KDM4B: variants seen among roughly 807,000 people sequenced by gnomAD.
KDM4B encodes the protein lysine demethylase 4B.
Under a neutral mutation model 125.2 loss-of-function variants are expected in KDM4B, and 32 were observed. The ratio of observed to expected loss-of-function variants is 0.26; its 90% CI spans 0.19 to 0.34. The LOEUF (loss-of-function observed/expected upper bound fraction) is 0.34. Ranked by LOEUF, KDM4B falls within the 10% of genes least tolerant of loss-of-function variation. KDM4B has a pLI of 1.00. For synonymous variants in KDM4B, 721 were observed against 677.9 expected, an observed-to-expected ratio of 1.06 and a Z score of -0.99; for missense variants, 1,190 against 1,577.7, an observed-to-expected ratio of 0.75 and a Z score of 4.16.
chr19:5,043,522 A>C (rs2036903826), intron 5 of KDM4B, among the ~76,000 whole-genome samples: 2 of 138,526 alleles, frequency 1.4e-5, no homozygotes, highest in Non-Finnish European at 3.0e-5. Flanking sequence ...GGGGGTGTCC[A>C]CCATATCCTA....
chr19:5,119,575 G>A, intron 10 of KDM4B, 78 bp from the exon 11 acceptor site: 1 of 1,381,576 alleles, frequency 7.2e-7, no homozygotes, highest in South Asian at 1.2e-5. Flanking sequence ...GGGGCTGCGT[G>A]CTGCCGGACA....
At chr19:5,095,105 G>T (rs2038793035) in intron 9 of KDM4B, among the ~76,000 whole-genome samples, 1 of 152,130 alleles carries the variant, frequency 6.6e-6, no homozygotes, top group Non-Finnish European at 1.5e-5. Context: ...TAAGGCCCCT[G>T]CCCGTCCCCA....
intron 4 of KDM4B, among the ~76,000 whole-genome samples, chr19:5,040,479 G>A (rs574326660): frequency 1.2e-4 from 18 of 152,124 alleles, no homozygotes; most frequent in African/African-American, 3.9e-4. Context: ...GCACACGCAC[G>A]TTTCTACACA....
chr19:4,972,951 G>A (rs2034312266), intron 1 of KDM4B, among the ~76,000 whole-genome samples: 1 of 152,122 alleles, frequency 6.6e-6, no homozygotes, highest in South Asian at 2.1e-4. Context: ...TCTGAGCTCC[G>A]GGTCTTCCTG....
rs59325192 is a variant in KDM4B at position 5,084,533 on chromosome 19, T to TAA, written c.918+2029_918+2030insAA. Reference sequence around the variant, plus strand: ...ATATAAATATAAATTATATATGTTATTTATATATTATATATAATATATAAA... The same window carrying TAA: ...ATATAAATATAAATTATATATGTTATAATTATATATTATATATAATATATAAA... On this transcript the variant is annotated intron_variant, in intron 9 of 22. Coordinates refer to ENST00000159111, the MANE Select transcript of KDM4B (RefSeq NM_015015.3). Among the ~76,000 whole-genome samples, 8 of 136,732 alleles carry TAA rather than the reference T, an allele frequency of 5.9e-5. 1 individual carries two copies. The highest frequency in any genetic ancestry group is 1.6e-4 in the African/African-American group (6 of 37,260). The allele number at this position is 136,732 out of a possible 152,430, so 89.7% of individuals were successfully genotyped here.
intron 6 of KDM4B, among the ~76,000 whole-genome samples, chr19:5,069,560 G>A (rs184519596): frequency 4.0e-5 from 6 of 150,758 alleles, no homozygotes; most frequent in South Asian, 2.1e-4. Context: ...CACCCGCCTC[G>A]GCCTCCCAAA....
At chr19:5,041,106 C>G (rs771053979) in intron 4 of KDM4B, 31 bp from the exon 5 acceptor site, 2 of 1,511,246 alleles carry the variant, frequency 1.3e-6, no homozygotes, top group Non-Finnish European at 1.8e-6. Flanking sequence ...AGGCCTCACC[C>G]TGAGCTGGTT....
chr19:5,131,038 G>A (rs762249728), intron 11 of KDM4B, 38 bp from the exon 12 acceptor site: 184 of 1,428,714 alleles, frequency 1.3e-4, no homozygotes, highest in Non-Finnish European at 1.6e-4. Flanking sequence ...ACTTGAGCCC[G>A]GGTTCTCCTC....
chr19:5,013,752 C>G (rs899795731), intron 1 of KDM4B, among the ~76,000 whole-genome samples: 1 of 152,234 alleles, frequency 6.6e-6, no homozygotes, highest in East Asian at 1.9e-4. Context: ...CAGTCCCATC[C>G]GCAAAGCCCC....
At chr19:5,009,598 C>T (rs1486661421) in intron 1 of KDM4B, among the ~76,000 whole-genome samples, 2 of 152,212 alleles carry the variant, frequency 1.3e-5, no homozygotes, top group East Asian at 3.8e-4. Context: ...ATTTTAGACT[C>T]ACTGAACTGT....
intron 1 of KDM4B, among the ~76,000 whole-genome samples, chr19:4,992,207 G>A (rs769172370): frequency 3.3e-5 from 5 of 152,016 alleles, no homozygotes; most frequent in Non-Finnish European, 5.9e-5. Context: ...ATTTACCTTC[G>A]ACAGTTTTAC....
chr19:5,119,466 C>T (rs1197334138), intron 10 of KDM4B, among the ~76,000 whole-genome samples, 187 bp from the exon 11 acceptor site: 2 of 152,226 alleles, frequency 1.3e-5, no homozygotes, highest in Non-Finnish European at 2.9e-5. Context: ...CAACACGGCT[C>T]CTGCCCCGCA....
intron 15 of KDM4B, among the ~76,000 whole-genome samples, 153 bp from the exon 16 acceptor site, chr19:5,137,109 C>T (rs971611010): frequency 5.3e-5 from 8 of 152,226 alleles, no homozygotes; most frequent in Non-Finnish European, 8.8e-5. Context: ...GGGAACAGCA[C>T]GCACCCTGAA....
At position 5,081,202 on chromosome 19, in the gene KDM4B, A is replaced by T. The variant is rs901750299; in HGVS notation, c.781-1165A>T. Among the ~76,000 whole-genome samples the T allele has an allele frequency of 6.6e-6, 1 of 152,246 alleles. No homozygotes were observed. The highest frequency in any genetic ancestry group is 2.4e-5 in the African/African-American group (1 of 41,460). ...CACTTGACTTCAAGGATTCTAGTTC[A>T]TGAGCCTCAGTTTCCACGTCTGTGG... On this transcript the variant is annotated intron_variant, in intron 8 of 22. Coordinates refer to ENST00000159111, the MANE Select transcript of KDM4B (RefSeq NM_015015.3). This position sits in a 1 kb window ranked among gnomAD's most constrained non-coding sequence, Gnocchi z 4.2.
chr19:5,125,923 A>G (rs544935503), intron 11 of KDM4B, among the ~76,000 whole-genome samples: 1 of 152,200 alleles, frequency 6.6e-6, no homozygotes, highest in Non-Finnish European at 1.5e-5. Flanking sequence ...CGAGAGGTTT[A>G]TCTCGAGAGA....
In KDM4B at chr19:5,142,579, G is replaced by A. The variant is rs546873704; in HGVS notation, c.2551-1388G>A. ...TTCTCCTGGGCCTGGGCCGAGGGGT[G>A]GAGGCCTGTGGGTGACGTGTTCAAG... On this transcript the variant is annotated intron_variant, in intron 18 of 22. Coordinates refer to ENST00000159111, the MANE Select transcript of KDM4B (RefSeq NM_015015.3). The surrounding 1 kb of genome is among the most constrained non-coding windows in gnomAD (Gnocchi z 5.4). Among the ~76,000 whole-genome samples, 60 of 152,160 alleles carry A rather than the reference G, an allele frequency of 3.9e-4. No individual in the cohort carries two copies. Among genetic ancestry groups the A allele is most frequent in the Non-Finnish European group, 7.2e-4 (49 of 67,954 alleles).
At chr19:5,055,737 T>C (rs2037375910) in intron 6 of KDM4B, among the ~76,000 whole-genome samples, 1 of 152,196 alleles carries the variant, frequency 6.6e-6, no homozygotes, top group South Asian at 2.1e-4. Context: ...GTCCCAGGCT[T>C]GTGCTTGTGT....
At chr19:5,004,025 A>AT (rs1007190948) in intron 1 of KDM4B, among the ~76,000 whole-genome samples, 2 of 151,914 alleles carry the variant, frequency 1.3e-5, no homozygotes, top group Non-Finnish European at 2.9e-5. Context: ...GTTTCGTGTT[A>AT]TTTTTTAGAG....
chr19:5,100,090 C>T (rs2038902025), intron 9 of KDM4B, among the ~76,000 whole-genome samples: 1 of 152,234 alleles, frequency 6.6e-6, no homozygotes, highest in Non-Finnish European at 1.5e-5. Flanking sequence ...ATTCCTCATC[C>T]TTGGTGTGGG....
Sources: allele counts gnomAD v4.1 joint callset (sites outside exome capture counted in the v4.1 genomes callset), GRCh38; gene constraint gnomAD v4.1.1; non-coding constraint Gnocchi (gnomAD v3.1); transcripts MANE v1.5; gene names NCBI Gene and HGNC (gene_info 2026-07-23, HGNC 2026-07-21).